ARHGEF4: variants seen among roughly 807,000 people sequenced by gnomAD.
ARHGEF4 encodes the protein Rho guanine nucleotide exchange factor 4.
In ARHGEF4, 119 loss-of-function variants were observed where a neutral mutation model predicts 162.0. The ratio of observed to expected loss-of-function variants is 0.73; its 90% CI spans 0.63 to 0.86. The LOEUF (loss-of-function observed/expected upper bound fraction) is 0.86. ARHGEF4 is among the 40% of genes least tolerant of loss of function. The pLI, the probability that ARHGEF4 is intolerant of heterozygous loss-of-function variation, is 0.00. For synonymous variants in ARHGEF4, 1,014 were observed against 979.9 expected (o/e 1.03, Z -0.65); for missense variants, 2,488 against 2,456.0 (o/e 1.01, Z -0.28).
intron 2 of ARHGEF4, among the ~76,000 whole-genome samples, chr2:130,919,017 C>T (rs1681705107): frequency 1.3e-5 from 2 of 152,156 alleles, no homozygotes; most frequent in African/African-American, 2.4e-5. Context: ...GCTTATGGGG[C>T]AGTTTGGGGA....
chr2:131,017,617 G>A (rs768883775), intron 4 of ARHGEF4, among the ~76,000 whole-genome samples: 4 of 152,074 alleles, frequency 2.6e-5, no homozygotes, highest in Admixed American at 2.0e-4. Context: ...TATTCCCCTC[G>A]AGAGACCATT....
Position 130,916,044 on chromosome 2 carries a change from G to A in ARHGEF4, c.2098G>A (p.Gly700Ser). 4 of 1,550,364 alleles carry A rather than the reference G, an allele frequency of 2.6e-6. No individual in the cohort carries two copies. The highest frequency in any genetic ancestry group is 3.5e-6 in the Non-Finnish European group (4 of 1,146,892). Residue 700 changes from glycine to serine, a missense_variant, in exon 2 of 14, where the codon GGC becomes AGC. By Grantham distance (56) the Gly-to-Ser change is moderately conservative (BLOSUM62 0). Transcript: ENST00000409359. ...GCCAGCAGCCCCCATACAGGGAGCT[G>A]GCGATGGGGCTCTTCAGCGGGTGGC... ...ELPAAPIQGA[G>S]DGALQRVAQA...
At chr2:130,972,332 T>G (rs1685421969) in intron 4 of ARHGEF4, among the ~76,000 whole-genome samples, 1 of 152,138 alleles carries the variant, frequency 6.6e-6, no homozygotes, top group African/African-American at 2.4e-5. Flanking sequence ...TAAAGATACC[T>G]TGAAAGAAAA....
At chr2:130,971,650 T>C (rs1403835125) in intron 4 of ARHGEF4, among the ~76,000 whole-genome samples, 2 of 106,594 alleles carry the variant, frequency 1.9e-5, no homozygotes, top group Admixed American at 1.2e-4. Context: ...AGTGGGAGAC[T>C]GTCTCAAAAA....
In ARHGEF4 at chr2:131,039,150, G is replaced by T. The variant is rs186609855; in HGVS notation, c.4305+118G>T. 125 of 1,332,820 alleles carry T rather than the reference G, an allele frequency of 9.4e-5. No homozygotes were observed. The East Asian group carries it at 2.2e-3, about 23-fold the overall frequency. 82.6% of individuals were successfully genotyped at this position (1,332,820 alleles called of 1,614,324 possible). On this transcript the variant is annotated intron_variant, in intron 6 of 13. Coordinates refer to ENST00000409359, the MANE Select transcript of ARHGEF4 (RefSeq NM_001367493.1). Reference sequence around the variant, plus strand: ...CCTAGGTGCAGAGCACTGGGTGGTGGGTGTCGGGGCGCAGTGTCACAGCCT... The same window carrying T: ...CCTAGGTGCAGAGCACTGGGTGGTGTGTGTCGGGGCGCAGTGTCACAGCCT...
At chr2:130,949,112 CTGTTT>C (rs1425365716) in intron 4 of ARHGEF4, among the ~76,000 whole-genome samples, 1 of 152,088 alleles carries the variant, frequency 6.6e-6, no homozygotes, top group African/African-American at 2.4e-5. Context: ...CTTTGTTTTC[CTGTTT>C]TGTTTTGTTT....
At chr2:130,949,349 T>TTTTA (rs1185620495) in intron 4 of ARHGEF4, among the ~76,000 whole-genome samples, 6 of 152,110 alleles carry the variant, frequency 3.9e-5, no homozygotes, top group Non-Finnish European at 8.8e-5. Flanking sequence ...ATTTACTTTA[T>TTTTA]TTTATTTATT....
chr2:130,935,955 C>T (rs556354821), intron 3 of ARHGEF4, among the ~76,000 whole-genome samples: 2 of 152,216 alleles, frequency 1.3e-5, no homozygotes, highest in African/African-American at 4.8e-5. Context: ...ATCCCAGCTA[C>T]TGGGGAGGCT....
chr2:130,875,170 T>C (rs973017325), intron 1 of ARHGEF4, among the ~76,000 whole-genome samples: 1 of 152,202 alleles, frequency 6.6e-6, no homozygotes, highest in Admixed American at 6.5e-5. Flanking sequence ...TTCTGTCTTG[T>C]GGCTGTCCCT....
chr2:131,035,125 G>A, intron 5 of ARHGEF4: 1 of 1,167,062 alleles, frequency 8.6e-7, no homozygotes, highest in Non-Finnish European at 1.1e-6. Flanking sequence ...GCGCGGCCCC[G>A]CGGCGCCCGG....
intron 4 of ARHGEF4, among the ~76,000 whole-genome samples, chr2:130,992,601 C>T (rs1282331707): frequency 1.3e-5 from 2 of 152,038 alleles, no homozygotes; most frequent in African/African-American, 4.8e-5. Context: ...AAGGAACAAA[C>T]TCCAGACGCG....
chr2:130,888,955 A>T (rs947247166), intron 1 of ARHGEF4, among the ~76,000 whole-genome samples: 1 of 151,858 alleles, frequency 6.6e-6, no homozygotes, highest in Non-Finnish European at 1.5e-5. Context: ...ACAAAAAAAA[A>T]TTAGCCGGGC....
chr2:130,837,628 C>G (rs566613223), intron 1 of ARHGEF4: 131 of 451,240 alleles, frequency 2.9e-4, no homozygotes, highest in African/African-American at 2.6e-3. Context: ...CCACAGGAAC[C>G]CCAAGATGGG....
chr2:131,040,350 C>G lies in ARHGEF4; in HGVS notation c.4572C>G (p.Arg1524=), dbSNP rs1295195504. Residue 1524 remains arginine (R), a synonymous_variant, in exon 8 of 14, where the codon CGC becomes CGG. Transcript: ENST00000409359. ...TCGGGAACATCGAGGACATCTACCG[C>G]TGCCAGAAGGCCTTCGTGAAGGCCC... ...TIFGNIEDIY[R]CQKAFVKALE... 2 of 1,612,036 alleles carry G rather than the reference C, an allele frequency of 1.2e-6. No individual in the cohort carries two copies. The highest frequency in any genetic ancestry group is 1.7e-6 in the Non-Finnish European group (2 of 1,179,566).
chr2:130,976,883 TGTGTGTGTGGTATGCATTAGTGTGTG>T (rs1294026997), intron 4 of ARHGEF4, among the ~76,000 whole-genome samples: 1 of 151,890 alleles, frequency 6.6e-6, no homozygotes, highest in African/African-American at 2.4e-5. Flanking sequence ...GTGAGCATGG[TGTGTGTGTGGTATGCATTAGTGTGTG>T]GTGTGTATGG....
At chr2:131,024,504 T>C (rs1469581605) in intron 4 of ARHGEF4, among the ~76,000 whole-genome samples, 3 of 152,176 alleles carry the variant, frequency 2.0e-5, no homozygotes, top group African/African-American at 2.4e-5. Flanking sequence ...CTTGATCTCC[T>C]GACCTTATGA....
intron 10 of ARHGEF4, among the ~76,000 whole-genome samples, chr2:131,042,317 G>A (rs1268042477): frequency 6.6e-6 from 1 of 152,250 alleles, no homozygotes; most frequent in Admixed American, 6.5e-5. Flanking sequence ...GAAGGCTGCA[G>A]GCCCAACACA....
chr2:130,968,690 C>T (rs771060415), intron 4 of ARHGEF4, among the ~76,000 whole-genome samples: 1 of 152,126 alleles, frequency 6.6e-6, no homozygotes, highest in Admixed American at 6.5e-5. Context: ...GAGGCCAAGG[C>T]GGGCAGATCA....
chr2:130,869,895 C>T (rs1035017040), intron 1 of ARHGEF4, among the ~76,000 whole-genome samples: 3 of 152,170 alleles, frequency 2.0e-5, no homozygotes, highest in African/African-American at 7.2e-5. Context: ...TTTCTTGGAC[C>T]CTCACTGTGT....
Sources: allele counts gnomAD v4.1 joint callset (sites outside exome capture counted in the v4.1 genomes callset), GRCh38; gene constraint gnomAD v4.1.1; transcripts MANE v1.5; gene names NCBI Gene and HGNC (gene_info 2026-07-23, HGNC 2026-07-21).